USP32: variants seen among roughly 807,000 people sequenced by gnomAD.
USP32 encodes ubiquitin specific peptidase 32.
USP32 carries 59 observed loss-of-function variants against 204.8 expected under a neutral mutation model. The ratio of observed to expected loss-of-function variants is 0.29; its 90% CI spans 0.23 to 0.36. The LOEUF (loss-of-function observed/expected upper bound fraction) is 0.36, where lower values mean the gene tolerates loss of function less well. USP32 is among the 10% of genes least tolerant of loss of function. USP32 has a pLI of 1.00. For missense variants in USP32, 1,160 were observed against 1,946.4 expected, an observed-to-expected ratio of 0.60 and a Z score of 7.60; for synonymous variants, 517 against 678.4, an observed-to-expected ratio of 0.76 and a Z score of 3.70.
Position 60,226,085 on chromosome 17 carries a change from T to G in USP32, c.1386A>C (p.Ser462=). Residue 462 remains serine, a synonymous_variant, in exon 13 of 34, where the codon TCA becomes TCC. Transcript: ENST00000300896. ...CTTCAGATGCAGTAGAAATGTTGTC[T>G]GAAAATTTCTCTTCTGTAGTATTCA... ...SYVNTTEEKF[S]DNISTASEAS... is the part of the protein sequence containing the mutation. 1 of 1,607,158 alleles carries G rather than the reference T, an allele frequency of 6.2e-7. No individual in the cohort carries two copies. Among genetic ancestry groups the G allele is most frequent in the Non-Finnish European group, 8.5e-7 (1 of 1,177,668 alleles).
chr17:60,241,696 T>C (rs929068721), intron 11 of USP32, among the ~76,000 whole-genome samples: 2 of 152,226 alleles, frequency 1.3e-5, no homozygotes, highest in Non-Finnish European at 2.9e-5. Flanking sequence ...TTCAACTCTT[T>C]TACACATTTT....
intron 1 of USP32, among the ~76,000 whole-genome samples, chr17:60,384,410 G>A (rs2089694785): frequency 6.6e-6 from 1 of 152,128 alleles, no homozygotes; most frequent in African/African-American, 2.4e-5. Context: ...CTTTTAATGC[G>A]GTCCAGTGTC....
At chr17:60,352,420 T>G (rs551030623) in intron 1 of USP32, among the ~76,000 whole-genome samples, 1 of 152,342 alleles carries the variant, frequency 6.6e-6, no homozygotes, top group South Asian at 2.1e-4. Flanking sequence ...TAGATGACCA[T>G]GGAACTGCCA....
intron 15 of USP32, among the ~76,000 whole-genome samples, chr17:60,221,037 A>G (rs1598089045): frequency 6.6e-6 from 1 of 152,184 alleles, no homozygotes; most frequent in Non-Finnish European, 1.5e-5. Flanking sequence ...CTCATAACCA[A>G]TATCTTCTGC....
At chr17:60,315,084 A>G (rs1040952959) in intron 2 of USP32, among the ~76,000 whole-genome samples, 1 of 152,124 alleles carries the variant, frequency 6.6e-6, no homozygotes, top group African/African-American at 2.4e-5. Flanking sequence ...ACCACTTCAC[A>G]CCTACAAGAA....
chr17:60,363,070 A>G (rs1437931376), intron 1 of USP32, among the ~76,000 whole-genome samples: 1 of 152,140 alleles, frequency 6.6e-6, no homozygotes, highest in Non-Finnish European at 1.5e-5. Context: ...AGGGAAGATC[A>G]CATGAGACCA....
chr17:60,275,283 G>A (rs185069836), intron 5 of USP32, among the ~76,000 whole-genome samples: 6 of 152,090 alleles, frequency 3.9e-5, no homozygotes, highest in African/African-American at 1.2e-4. Flanking sequence ...ATGGTGAAAC[G>A]CCATCTCTAC....
At chr17:60,255,545 G>A (rs946985765) in intron 9 of USP32, among the ~76,000 whole-genome samples, 6 of 152,052 alleles carry the variant, frequency 3.9e-5, no homozygotes, top group Non-Finnish European at 2.9e-5. Flanking sequence ...TGATCCATCC[G>A]CCTTGGCCTC....
chr17:60,210,783 G>A (rs1474707051), intron 21 of USP32, among the ~76,000 whole-genome samples: 1 of 152,274 alleles, frequency 6.6e-6, no homozygotes, highest in Non-Finnish European at 1.5e-5. Flanking sequence ...TAAAATGAAT[G>A]ACATCCCGAA....
intron 2 of USP32, 59 bp from the exon 3 acceptor site, chr17:60,301,763 G>T: frequency 1.6e-6 from 2 of 1,234,350 alleles, no homozygotes; most frequent in Non-Finnish European, 2.3e-6. Flanking sequence ...GGAATCTGAG[G>T]CAGCTATCAT....
At chr17:60,304,965 G>C (rs921940970) in intron 2 of USP32, 1 of 152,162 alleles carries the variant, frequency 6.6e-6, no homozygotes, top group African/African-American at 2.4e-5. Context: ...TTTAGGGCTG[G>C]GGGAAACCAG....
chr17:60,220,323 G>A (rs1477184155), intron 15 of USP32, among the ~76,000 whole-genome samples: 1 of 151,970 alleles, frequency 6.6e-6, no homozygotes, highest in Non-Finnish European at 1.5e-5. Flanking sequence ...TCCACATTTC[G>A]TTAATATGAA....
chr17:60,407,388 G>A (rs1225673298), intron 1 of USP32, among the ~76,000 whole-genome samples: 1 of 152,126 alleles, frequency 6.6e-6, no homozygotes, highest in African/African-American at 2.4e-5. Context: ...TGACCAATTG[G>A]AGTAGAAATA....
intron 4 of USP32, among the ~76,000 whole-genome samples, chr17:60,291,464 G>A (rs1190769320): frequency 6.6e-6 from 1 of 152,064 alleles, no homozygotes; most frequent in Admixed American, 6.5e-5. Context: ...AGAAAAAGCT[G>A]AGACCCATAT....
chr17:60,247,916 C>G (rs565369383), intron 11 of USP32, among the ~76,000 whole-genome samples: 1 of 152,076 alleles, frequency 6.6e-6, no homozygotes, highest in Admixed American at 6.6e-5. Context: ...AACCTCCTGA[C>G]GTCATGATCC....
intron 1 of USP32, among the ~76,000 whole-genome samples, chr17:60,359,418 C>T (rs1426299603): frequency 6.6e-6 from 1 of 152,094 alleles, no homozygotes; most frequent in Non-Finnish European, 1.5e-5. Flanking sequence ...TTTAAATGAT[C>T]AAATAAATGT....
At chr17:60,187,774 C>G (rs1490483032) in intron 29 of USP32, among the ~76,000 whole-genome samples, 1 of 152,152 alleles carries the variant, frequency 6.6e-6, no homozygotes, top group Non-Finnish European at 1.5e-5. Context: ...TAAAGATTCC[C>G]TTTACCTCTT....
At chr17:60,391,434 C>A (rs2089831358) in intron 1 of USP32, among the ~76,000 whole-genome samples, 1 of 152,134 alleles carries the variant, frequency 6.6e-6, no homozygotes, top group Non-Finnish European at 1.5e-5. Flanking sequence ...CAGAGAGGAG[C>A]GCTTTGCAGC....
At chr17:60,405,447 C>T (rs1031082900) in intron 1 of USP32, among the ~76,000 whole-genome samples, 6 of 152,050 alleles carry the variant, frequency 3.9e-5, no homozygotes, top group African/African-American at 7.2e-5. Flanking sequence ...TCAGACAGTC[C>T]ACCCGCCTCA....
Sources: gnomAD v4.1 joint callset for allele counts (sites outside exome capture counted in the v4.1 genomes callset) on GRCh38, gnomAD v4.1.1 for gene constraint, MANE v1.5 for transcripts, NCBI Gene and HGNC (gene_info 2026-07-23, HGNC 2026-07-21) for gene names.